Variants in TNRC18 observed in about 807,000 individuals in gnomAD.
The protein encoded by TNRC18 is trinucleotide repeat containing 18.
Under a neutral mutation model 226.7 loss-of-function variants are expected in TNRC18, and 69 were observed. The ratio of observed to expected loss-of-function variants is 0.30; its 90% CI spans 0.25 to 0.37. The LOEUF (loss-of-function observed/expected upper bound fraction) is 0.37. TNRC18 is among the 10% of genes least tolerant of loss of function. The probability of loss-of-function intolerance (pLI) is 1.00; values close to 1 mark genes in which losing one functional copy is unlikely to be tolerated. For synonymous variants in TNRC18, 2,449 were observed against 1,927.6 expected (o/e 1.27, Z -7.09); for missense variants, 4,754 against 4,256.6 (o/e 1.12, Z -3.25).
At chr7:5,389,390 C>G in intron 4 of TNRC18, 54 bp from the exon 5 acceptor site, 2 of 1,226,400 alleles carry the variant, frequency 1.6e-6, no homozygotes, top group Non-Finnish European at 2.0e-6. Flanking sequence ...CCTCCCACCC[C>G]TGCCTGGGCG....
rs187544197 is a variant in TNRC18, at chr7:5,353,649, G to T, written c.5195-1555C>A. Among the ~76,000 whole-genome samples the T allele has an allele frequency of 4.6e-3, 695 of 150,814 alleles. 6 individuals are homozygous for T. The Middle Eastern group carries it at 0.049, about 11-fold the overall frequency. On this transcript the variant is annotated intron_variant, in intron 16 of 29. Transcript: ENST00000430969. ...AGCAAGAGGAGACCGTTCTCGCTTCGACCTCCGTCCAGCTCAGCAACTCCC... is the reference window on the plus strand; with the variant it reads ...AGCAAGAGGAGACCGTTCTCGCTTCTACCTCCGTCCAGCTCAGCAACTCCC...
In TNRC18 at chr7:5,324,214, C is replaced by G; in HGVS notation, c.6442G>C (p.Ala2148Pro). The change falls in exon 21 of 30, where the codon GCC becomes CCC. Residue 2148 changes from alanine (A) to proline (P), a missense_variant and splice_region_variant. Physicochemically the swap from Ala to Pro is conservative, Grantham distance 27 (BLOSUM62 -1). Transcript: ENST00000430969. The surrounding 1 kb of genome is among the most constrained non-coding windows in gnomAD (Gnocchi z 4.8). ...CACATGTGGCATCACGGCCACTCACCCGGGGTCAGCGGCCGCTCCACAGCC... is the reference window on the plus strand; with the variant it reads ...CACATGTGGCATCACGGCCACTCACGCGGGGTCAGCGGCCGCTCCACAGCC... Reference protein sequence around the residue: ...GGAVERPLTPAPRSCIIDKDE... With the variant: ...GGAVERPLTPPPRSCIIDKDE... 1 of 1,601,184 alleles carries G rather than the reference C, an allele frequency of 6.2e-7. No homozygotes were observed. The highest frequency in any genetic ancestry group is 8.5e-7 in the Non-Finnish European group (1 of 1,175,802).
chr7:5,308,540 AC>A (rs1180514856), intron 29 of TNRC18, among the ~76,000 whole-genome samples: 25 of 152,122 alleles, frequency 1.6e-4, no homozygotes, highest in Admixed American at 1.6e-3. Flanking sequence ...AGATCCAAAG[AC>A]GCAGAGAGAC....
chr7:5,366,616 G>A (rs923705399), intron 11 of TNRC18, among the ~76,000 whole-genome samples: 3 of 152,076 alleles, frequency 2.0e-5, no homozygotes, highest in African/African-American at 4.8e-5. Flanking sequence ...GAGCCACCGC[G>A]GCTGGCCGCT....
Position 5,383,060 on chromosome 7 carries a change from G to C in TNRC18, c.2152+4612C>G, listed in dbSNP as rs1159060309. 6.1e-5 allele frequency among the ~76,000 whole-genome samples: 9 copies of C among 147,200 alleles called. No homozygotes were observed. The South Asian group carries it at 1.9e-3, about 31-fold the overall frequency. On this transcript the variant is annotated intron_variant, in intron 5 of 29. Transcript: ENST00000430969. ...AGATGCCACACCACTATGCTCGGAT[G>C]ATTTATTTTTATTTTTATTTTTGTA...
chr7:5,391,814 T>C (rs1241883001), intron 3 of TNRC18, among the ~76,000 whole-genome samples: 6 of 139,248 alleles, frequency 4.3e-5, no homozygotes, highest in Non-Finnish European at 9.2e-5. Flanking sequence ...CTGGGAAACA[T>C]AGTGTGACCC....
Position 5,371,278 on chromosome 7 carries a change from C to T in TNRC18, c.3316G>A (p.Asp1106Asn), listed in dbSNP as rs778303314. 8 of 1,583,690 alleles carry T rather than the reference C, an allele frequency of 5.1e-6. No homozygotes were observed. The highest frequency in any genetic ancestry group is 2.7e-5 in the African/African-American group (2 of 74,182). The change falls in exon 11 of 30, where the codon GAC becomes AAC. Residue 1106 changes from aspartate to asparagine, a missense_variant. Asp to Asn is a conservative substitution (Grantham distance 23, BLOSUM62 1). Transcript: ENST00000430969. ...PFLLQPTAAA[D>N]ADGLAPDVPL... ...ACATCAGGGGCCAAGCCGTCCGCGT[C>T]GGCGGCGGCCGTGGGCTGCAGCAGG...
chr7:5,381,558 G>C (rs188065903), intron 5 of TNRC18, among the ~76,000 whole-genome samples: 1 of 152,040 alleles, frequency 6.6e-6, no homozygotes, highest in Non-Finnish European at 1.5e-5. Context: ...CTGTGTCCTC[G>C]AGGCTGCAGT....
At chr7:5,315,814 G>C (rs1374985009) in intron 25 of TNRC18, 142 bp downstream of exon 25, 1 of 595,298 alleles carries the variant, frequency 1.7e-6, no homozygotes, top group Non-Finnish European at 2.8e-6. Context: ...AGATCTCACG[G>C]GAGCCCACCC....
chr7:5,417,610 G>C (rs969867776), intron 2 of TNRC18, among the ~76,000 whole-genome samples: 1 of 152,160 alleles, frequency 6.6e-6, no homozygotes, highest in Non-Finnish European at 1.5e-5. Flanking sequence ...CCTGGGACCC[G>C]AGCGGTGCCT....
At chr7:5,398,389 C>G (rs1181572078) in intron 2 of TNRC18, among the ~76,000 whole-genome samples, 1 of 152,122 alleles carries the variant, frequency 6.6e-6, no homozygotes, top group East Asian at 1.9e-4. Context: ...AGGCTGGTCT[C>G]GAACTCCCAA....
Position 5,374,564 on chromosome 7 carries a change from A to G in TNRC18, c.2800-80T>C. 9 of 1,404,682 alleles carry G rather than the reference A, an allele frequency of 6.4e-6. No homozygotes were observed. In the South Asian group the frequency reaches 8.2e-5, roughly 13 times the overall value. 87.0% of individuals were successfully genotyped at this position (1,404,682 alleles called of 1,614,324 possible). A position where few individuals can be genotyped will look rare whatever the true frequency, so the allele number is the denominator to read the frequency against. On this transcript the variant is annotated intron_variant, in intron 9 of 29. Coordinates refer to ENST00000430969, the MANE Select transcript of TNRC18 (RefSeq NM_001080495.3). ...CGCCCGCACCTGCCCTGTCCCCCCAAGGGTCCCCGAGTCCGAGGAGAACCT... is the reference window on the plus strand; with the variant it reads ...CGCCCGCACCTGCCCTGTCCCCCCAGGGGTCCCCGAGTCCGAGGAGAACCT...
rs202053648 is a variant in TNRC18, at chr7:5,366,318, C to CTTTTTTTTTTTTTTTTTTTTTTT, written c.4220-3516_4220-3494dup. Among the ~76,000 whole-genome samples, 4 of 70,464 alleles carry CTTTTTTTTTTTTTTTTTTTTTTT rather than the reference C, an allele frequency of 5.7e-5. 1 individual carries two copies. Among genetic ancestry groups the CTTTTTTTTTTTTTTTTTTTTTTT allele is most frequent in the African/African-American group, 1.9e-4 (3 of 15,844 alleles). 46.2% of individuals were successfully genotyped at this position (70,464 alleles called of 152,430 possible). A position where few individuals can be genotyped will look rare whatever the true frequency, so the allele number is the denominator to read the frequency against. On this transcript the variant is annotated intron_variant, in intron 11 of 29. Coordinates refer to ENST00000430969, the MANE Select transcript of TNRC18 (RefSeq NM_001080495.3). Reference sequence around the variant, plus strand: ...AATGCTTGTTTTGCTCTTCTTATATCTTTTTTTTTTTTTTTTTTTTTTTTT... The same window carrying CTTTTTTTTTTTTTTTTTTTTTTT: ...AATGCTTGTTTTGCTCTTCTTATATCTTTTTTTTTTTTTTTTTTTTTTTTTTTTTTTTTTTTTTTTTTTTTTTT...
intron 24 of TNRC18, among the ~76,000 whole-genome samples, chr7:5,319,330 G>A (rs770184141): frequency 3.2e-4 from 49 of 152,130 alleles, no homozygotes; most frequent in African/African-American, 6.3e-4. Flanking sequence ...TATTTGGCAT[G>A]TGAGTGGGCT....
intron 19 of TNRC18, among the ~76,000 whole-genome samples, chr7:5,326,731 C>T (rs1329980037): frequency 4.0e-5 from 6 of 150,904 alleles, no homozygotes; most frequent in Admixed American, 1.3e-4. Flanking sequence ...CACTTGCACC[C>T]GGTAGGCGGA....
chr7:5,383,342 C>A (rs1204646937), intron 5 of TNRC18, among the ~76,000 whole-genome samples: 1 of 152,114 alleles, frequency 6.6e-6, no homozygotes, highest in Non-Finnish European at 1.5e-5. Context: ...TATGTGAGAA[C>A]AGGAAGACCC....
intron 12 of TNRC18, 33 bp downstream of exon 12, chr7:5,362,617 C>A (rs373745026): frequency 1.4e-5 from 21 of 1,506,774 alleles, no homozygotes; most frequent in Middle Eastern, 4.9e-4. Flanking sequence ...GCCTCCCCCG[C>A]GGACCCCAGG....
At chr7:5,338,130 T>A in intron 18 of TNRC18, among the ~76,000 whole-genome samples, 1 of 152,138 alleles carries the variant, frequency 6.6e-6, no homozygotes, top group Non-Finnish European at 1.5e-5. Context: ...GAAAAAAACA[T>A]GGTAAGTGGA....
chr7:5,321,014 C>T (rs1405792590), intron 22 of TNRC18, 59 bp downstream of exon 22: 49 of 1,264,146 alleles, frequency 3.9e-5, no homozygotes, highest in Non-Finnish European at 5.0e-5. Context: ...CAGAGGCGGC[C>T]GGGACACGGG....
Sources: allele counts gnomAD v4.1 joint callset (sites outside exome capture counted in the v4.1 genomes callset), GRCh38; gene constraint gnomAD v4.1.1; non-coding constraint Gnocchi (gnomAD v3.1); transcripts MANE v1.5; gene names NCBI Gene and HGNC (gene_info 2026-07-23, HGNC 2026-07-21).